Variants in OPA1 observed in about 807,000 individuals in gnomAD.
The protein encoded by OPA1 is dynamin-like GTPase OPA1, mitochondrial.
OPA1 carries 59 observed loss-of-function variants against 152.9 expected under a neutral mutation model. The observed-to-expected ratio is 0.39, with a 90% confidence interval of 0.31 to 0.48. OPA1 has a LOEUF of 0.48. OPA1 is among the 20% of genes least tolerant of loss of function. OPA1 has a pLI of 0.96. For synonymous variants in OPA1, 400 were observed against 389.9 expected (o/e 1.03, Z -0.31); for missense variants, 1,008 against 1,216.8 (o/e 0.83, Z 2.55).
intron 29 of OPA1, among the ~76,000 whole-genome samples, chr3:193,674,285 G>A (rs1560058669): frequency 6.6e-6 from 1 of 152,168 alleles, no homozygotes; most frequent in African/African-American, 2.4e-5. Context: ...AGGTCTGCAT[G>A]AGATTCTAAA....
chr3:193,663,194 T>A lies in OPA1; in HGVS notation c.2661+232T>A, dbSNP rs561697755. ...TAATTTGTAAATGGAGAAATTTACT[T>A]TGGCAAGTTCAATGGTCAACAGTCA... On this transcript the variant is annotated intron_variant, in intron 26 of 30. Transcript: ENST00000361510. Among the ~76,000 whole-genome samples, 4 of 152,164 alleles carry A rather than the reference T, an allele frequency of 2.6e-5. 1 individual carries two copies. In the South Asian group the frequency reaches 8.3e-4, roughly 32 times the overall value.
At chr3:193,625,000 G>A (rs1313550691) in intron 6 of OPA1, among the ~76,000 whole-genome samples, 2 of 151,834 alleles carry the variant, frequency 1.3e-5, no homozygotes, top group Non-Finnish European at 1.5e-5. Flanking sequence ...TTCCCAGAAC[G>A]CTGTTCTTAA....
intron 18 of OPA1, 42 bp from the exon 19 acceptor site, chr3:193,647,023 T>C: frequency 3.0e-6 from 4 of 1,327,778 alleles, no homozygotes; most frequent in Non-Finnish European, 4.3e-6. Flanking sequence ...GTCCTTTTTG[T>C]CATTTTAATA....
chr3:193,628,620 A>G (rs1168563929), intron 7 of OPA1: 1 of 152,184 alleles, frequency 6.6e-6, no homozygotes, highest in Non-Finnish European at 1.5e-5. Flanking sequence ...TGTCAGGGTG[A>G]GTTTTAAATT....
chr3:193,618,766 C>G (rs1247889643), intron 5 of OPA1, 103 bp from the exon 6 acceptor site: 10 of 926,672 alleles, frequency 1.1e-5, no homozygotes, highest in African/African-American at 1.6e-5. Context: ...CTGAGTTGCT[C>G]TAAAAATCCA....
chr3:193,619,819 G>A (rs1456682586), intron 6 of OPA1: 3 of 152,084 alleles, frequency 2.0e-5, no homozygotes, highest in Non-Finnish European at 4.4e-5. Context: ...TTTGGAAGCA[G>A]AAAGAAGAAA....
chr3:193,603,030 T>G (rs1726702231), intron 1 of OPA1, among the ~76,000 whole-genome samples: 1 of 152,216 alleles, frequency 6.6e-6, no homozygotes, highest in Non-Finnish European at 1.5e-5. Context: ...GGAAATATAC[T>G]GCCTCTAGTT....
rs758993120 is a variant in OPA1 at position 193,622,226 on chromosome 3, C to CTTTTTT, written c.678+3306_678+3311dup. ...TTTCTTGCAACATATTACTCTCATT[C>CTTTTTT]TTTTTTTTTTTTTTTTTTTTTGAGA... On this transcript the variant is annotated intron_variant, in intron 6 of 30. Transcript: ENST00000361510. 4.8e-3 allele frequency among the ~76,000 whole-genome samples: 522 copies of CTTTTTT among 107,878 alleles called. 15 individuals are homozygous for CTTTTTT. Among genetic ancestry groups the CTTTTTT allele is most frequent in the African/African-American group, 7.0e-3 (183 of 26,022 alleles). The allele number at this position is 107,878 out of a possible 152,430, so 70.8% of individuals were successfully genotyped here.
At chr3:193,681,070 C>A (rs1263372059) in intron 29 of OPA1, among the ~76,000 whole-genome samples, 1 of 152,078 alleles carries the variant, frequency 6.6e-6, no homozygotes, top group Non-Finnish European at 1.5e-5. Flanking sequence ...GCTTTTACTT[C>A]TGTTGCTGAA....
chr3:193,635,846 A>G (rs1179298847), intron 9 of OPA1, among the ~76,000 whole-genome samples: 1 of 152,208 alleles, frequency 6.6e-6, no homozygotes, highest in Non-Finnish European at 1.5e-5. Flanking sequence ...TTGTTAATTG[A>G]TGGACATGTA....
chr3:193,659,580 C>G lies in OPA1; in HGVS notation c.2520+19C>G, dbSNP rs1714733939. On this transcript the variant is annotated intron_variant, in intron 25 of 30. Coordinates refer to ENST00000361510, the MANE Select transcript of OPA1 (RefSeq NM_130837.3). ...AGAACAGGTAGAAATAAACAAGTCT[C>G]TAGTCTTATGATGATATAATTTTGT... 1 of 1,588,402 alleles carries G rather than the reference C, an allele frequency of 6.3e-7. No individual in the cohort carries two copies. The highest frequency in any genetic ancestry group is 8.6e-7 in the Non-Finnish European group (1 of 1,159,520).
chr3:193,636,709 C>T (rs1015281270), intron 9 of OPA1, among the ~76,000 whole-genome samples: 4 of 152,156 alleles, frequency 2.6e-5, no homozygotes, highest in African/African-American at 9.7e-5. Context: ...GATACTTAAC[C>T]ACCCTTACTG....
At chr3:193,667,930 T>C (rs1717007895) in intron 29 of OPA1, among the ~76,000 whole-genome samples, 1 of 152,144 alleles carries the variant, frequency 6.6e-6, no homozygotes, top group Non-Finnish European at 1.5e-5. Flanking sequence ...AGCTTCCTTT[T>C]TTTGAAGAAT....
intron 3 of OPA1, among the ~76,000 whole-genome samples, chr3:193,616,470 C>G (rs904311023): frequency 6.6e-5 from 10 of 152,112 alleles, no homozygotes; most frequent in Admixed American, 6.5e-5. Context: ...GCCAAGTAGC[C>G]TTTCTATTAA....
chr3:193,662,686 GTTTC>G lies in OPA1; in HGVS notation c.2521-129_2521-126del, dbSNP rs796813602. The G allele has an allele frequency of 4.9e-5, 36 of 741,634 alleles. No homozygotes were observed. In the African/African-American group the frequency reaches 5.7e-4, roughly 12 times the overall value. The allele number at this position is 741,634 out of a possible 1,614,324, so 45.9% of individuals were successfully genotyped here. Reference sequence around the variant, plus strand: ...GCCGGGGTGCTGTGTTCTTTCTTGTGTTTCTTTCTTGTTTGTTGTGATTAAGCTT... The same window carrying G: ...GCCGGGGTGCTGTGTTCTTTCTTGTGTTTCTTGTTTGTTGTGATTAAGCTT... On this transcript the variant is annotated intron_variant, in intron 25 of 30. Coordinates refer to ENST00000361510, the MANE Select transcript of OPA1 (RefSeq NM_130837.3).
chr3:193,622,463 A>G (rs1730308958), intron 6 of OPA1, among the ~76,000 whole-genome samples: 1 of 151,966 alleles, frequency 6.6e-6, no homozygotes, highest in South Asian at 2.1e-4. Context: ...TCTTGACCTC[A>G]TGGTCCGTCC....
intron 26 of OPA1, among the ~76,000 whole-genome samples, chr3:193,663,503 A>G (rs1715796568): frequency 6.6e-6 from 1 of 152,120 alleles, no homozygotes; most frequent in South Asian, 2.1e-4. Context: ...TACCTTCATG[A>G]TGCTTTTTTT....
chr3:193,672,954 A>C, intron 29 of OPA1, among the ~76,000 whole-genome samples: 1 of 152,180 alleles, frequency 6.6e-6, no homozygotes, highest in Non-Finnish European at 1.5e-5. Flanking sequence ...TTGTGTAAAA[A>C]CTTGAAACTG....
At position 193,662,961 on chromosome 3, in the gene OPA1, T is replaced by TAGATCCA. The variant is rs1374176782; in HGVS notation, c.2660_2661insAGATCCA (p.Ile888AspfsTer4). The TAGATCCA allele has an allele frequency of 6.2e-7, 1 of 1,613,506 alleles. No homozygotes were observed. The highest frequency in any genetic ancestry group is 2.2e-5 in the East Asian group (1 of 44,846). On this transcript the variant is annotated frameshift_variant and splice_region_variant, in exon 26 of 31. Transcript: ENST00000361510. LOFTEE classifies it high-confidence loss of function. ...CGAGGAGTAGAAGTAGATCCAAGCT[T>TAGATCCA]GGTAATAAATACTGCTGAGAAGCAG...
Sources: gnomAD v4.1 joint callset for allele counts (sites outside exome capture counted in the v4.1 genomes callset) on GRCh38, gnomAD v4.1.1 for gene constraint, MANE v1.5 for transcripts, NCBI Gene and HGNC (gene_info 2026-07-23, HGNC 2026-07-21) for gene names.